Variants in PCDHA8 observed in about 807,000 individuals in gnomAD.
The protein encoded by PCDHA8 is protocadherin alpha-8.
In PCDHA8, 53 loss-of-function variants were observed where a neutral mutation model predicts 61.8. The observed-to-expected ratio is 0.86, with a 90% CI of 0.69 to 1.08. The LOEUF (loss-of-function observed/expected upper bound fraction) is 1.08, where lower values mean the gene tolerates loss of function less well. PCDHA8 is among the 50% of genes least tolerant of loss of function. The pLI is 0.00. For synonymous variants in PCDHA8, 618 were observed against 556.6 expected, an observed-to-expected ratio of 1.11 and a Z score of -1.55; for missense variants, 1,293 against 1,245.0, an observed-to-expected ratio of 1.04 and a Z score of -0.58.
chr5:140,843,096 C>G lies in PCDHA8; in HGVS notation c.1775C>G (p.Ala592Gly), dbSNP rs2150352451. 2 of 1,595,598 alleles carry G rather than the reference C, an allele frequency of 1.3e-6. No homozygotes were observed. The highest frequency in any genetic ancestry group is 8.6e-7 in the Non-Finnish European group (1 of 1,165,428). ...PRSVGAGHVV[A>G]KVRAVDADSG... ...TCTGTGGGCGCGGGCCACGTGGTAG[C>G]GAAGGTGCGCGCAGTGGACGCCGAC... Residue 592 changes from alanine to glycine, a missense_variant, in exon 1 of 4, where the codon GCG becomes GGG. Ala to Gly is a moderately conservative substitution (Grantham distance 60). Coordinates refer to ENST00000531613, the MANE Select transcript of PCDHA8 (RefSeq NM_018911.3).
chr5:140,898,628 C>T (rs1305030651), intron 1 of PCDHA8, among the ~76,000 whole-genome samples: 2 of 152,176 alleles, frequency 1.3e-5, no homozygotes, highest in African/African-American at 4.8e-5. Context: ...TAGCATAATG[C>T]CTCCAGCTTT....
intron 1 of PCDHA8, chr5:140,967,190 AACG>A (rs781897780): frequency 6.2e-7 from 1 of 1,613,418 alleles, no homozygotes; most frequent in Non-Finnish European, 8.5e-7. Context: ...ATTGGACATC[AACG>A]ACAACTCACC....
At chr5:140,884,035 C>A (rs782637499) in intron 1 of PCDHA8, 1 of 1,613,396 alleles carries the variant, frequency 6.2e-7, no homozygotes, top group South Asian at 1.1e-5. Context: ...GTGCAGGCCA[C>A]GTGGTGGCGA....
intron 1 of PCDHA8, among the ~76,000 whole-genome samples, chr5:140,878,435 A>G (rs1582436641): frequency 6.6e-6 from 1 of 152,242 alleles, no homozygotes; most frequent in African/African-American, 2.4e-5. Context: ...TAGATACTGT[A>G]CTATTCTTAT....
intron 1 of PCDHA8, chr5:140,853,297 G>A: frequency 2.0e-6 from 2 of 981,768 alleles, no homozygotes; most frequent in African/African-American, 3.5e-5. Context: ...TCTCAGAAGG[G>A]CTGTGAACAC....
At chr5:140,989,894 T>C (rs907697062) in intron 3 of PCDHA8, among the ~76,000 whole-genome samples, 7 of 151,812 alleles carry the variant, frequency 4.6e-5, no homozygotes, top group Admixed American at 3.3e-4. Context: ...GTCTCCGTTA[T>C]TCACAATCAG....
At chr5:141,005,956 A>G (rs1272905916) in intron 3 of PCDHA8, among the ~76,000 whole-genome samples, 2 of 152,020 alleles carry the variant, frequency 1.3e-5, no homozygotes, top group Admixed American at 1.3e-4. Flanking sequence ...CTAACAAACA[A>G]CAATAAAAAA....
At chr5:140,927,764 G>T (rs2084612834) in intron 1 of PCDHA8, 1 of 1,614,092 alleles carries the variant, frequency 6.2e-7, no homozygotes. Flanking sequence ...CCTAAAAGTG[G>T]GGAGGTGCAA....
intron 1 of PCDHA8, among the ~76,000 whole-genome samples, chr5:140,910,929 A>G (rs2075237197): frequency 6.6e-6 from 1 of 152,176 alleles, no homozygotes; most frequent in Admixed American, 6.5e-5. Flanking sequence ...TATAAATAAG[A>G]AAGCTCAAGC....
At chr5:140,867,469 T>C (rs895909736) in intron 1 of PCDHA8, 2 of 152,068 alleles carry the variant, frequency 1.3e-5, no homozygotes, top group Non-Finnish European at 2.9e-5. Context: ...TATGACAACA[T>C]TGGGAAAAGA....
At chr5:141,002,435 C>A (rs958320342) in intron 3 of PCDHA8, among the ~76,000 whole-genome samples, 3 of 152,280 alleles carry the variant, frequency 2.0e-5, no homozygotes, top group South Asian at 2.1e-4. Flanking sequence ...AGGCAATAAC[C>A]ATAATAATTG....
intron 1 of PCDHA8, among the ~76,000 whole-genome samples, chr5:140,896,285 G>T (rs1392495241): frequency 1.3e-5 from 2 of 152,202 alleles, no homozygotes; most frequent in African/African-American, 2.4e-5. Context: ...GGCTTGAATG[G>T]TAAGTTCTTT....
chr5:140,849,542 G>T lies in PCDHA8; in HGVS notation c.2394+5827G>T. On this transcript the variant is annotated intron_variant, in intron 1 of 3. Coordinates refer to ENST00000531613, the MANE Select transcript of PCDHA8 (RefSeq NM_018911.3). ...TGGATGTAAATGACAATGCTCCACAGTTGACTATCAAAACGCTCTCGGTTC... is the reference window on the plus strand; with the variant it reads ...TGGATGTAAATGACAATGCTCCACATTTGACTATCAAAACGCTCTCGGTTC... 3.1e-6 allele frequency: 5 copies of T among 1,598,272 alleles called. No homozygotes were observed. The South Asian group carries it at 5.5e-5, about 18-fold the overall frequency.
At chr5:140,986,393 C>T (rs1554248003) in intron 3 of PCDHA8, among the ~76,000 whole-genome samples, 1 of 152,148 alleles carries the variant, frequency 6.6e-6, no homozygotes, top group Non-Finnish European at 1.5e-5. Context: ...ATTAAAGGGC[C>T]AGTCGCTCAT....
chr5:140,868,875 C>T (rs1033473828), intron 1 of PCDHA8: 3 of 661,952 alleles, frequency 4.5e-6, no homozygotes, highest in African/African-American at 3.6e-5. Context: ...GTGCACAGTA[C>T]TCACAGTTTT....
At chr5:140,870,806 A>AGAGT in intron 1 of PCDHA8, 1 of 1,613,688 alleles carries the variant, frequency 6.2e-7, no homozygotes, top group Non-Finnish European at 8.5e-7. Flanking sequence ...CTGGCGACTC[A>AGAGT]GGCTGGCAGC....
rs1554214039 is a variant in PCDHA8 at position 140,941,214 on chromosome 5, C to CTTTCTTTCTTTCTTTCTTTCTTTCTTT, written c.2395-37735_2395-37734insTTTCTTTCTTTCTTTCTTTCTTTCTTT. ...TTTTTTCTTTCTTCCTTTCTTTCTTCCTTTCTTTCTTTCTTTCTTTCTTTC... is the reference window on the plus strand; with the variant it reads ...TTTTTTCTTTCTTCCTTTCTTTCTTCTTTCTTTCTTTCTTTCTTTCTTTCTTTCTTTCTTTCTTTCTTTCTTTCTTTC... On this transcript the variant is annotated intron_variant, in intron 1 of 3. Coordinates refer to ENST00000531613, the MANE Select transcript of PCDHA8 (RefSeq NM_018911.3). Among the ~76,000 whole-genome samples the CTTTCTTTCTTTCTTTCTTTCTTTCTTT allele has an allele frequency of 4.7e-4, 57 of 122,484 alleles. 1 individual carries two copies. The highest frequency in any genetic ancestry group is 1.6e-3 in the East Asian group (7 of 4,322). The allele number at this position is 122,484 out of a possible 152,430, so 80.4% of individuals were successfully genotyped here.
chr5:140,889,241 T>C (rs987868473), intron 1 of PCDHA8, among the ~76,000 whole-genome samples: 120 of 151,950 alleles, frequency 7.9e-4, no homozygotes, highest in African/African-American at 2.7e-3. Context: ...TCCAGAAAAT[T>C]TTCTGTTTCC....
At chr5:140,994,998 G>A (rs2097659261) in intron 3 of PCDHA8, among the ~76,000 whole-genome samples, 1 of 152,150 alleles carries the variant, frequency 6.6e-6, no homozygotes, top group African/African-American at 2.4e-5. Context: ...AGGTTAGTTG[G>A]TTTGTTTATA....
Sources: allele counts gnomAD v4.1 joint callset (sites outside exome capture counted in the v4.1 genomes callset), GRCh38; gene constraint gnomAD v4.1.1; transcripts MANE v1.5; gene names NCBI Gene and HGNC (gene_info 2026-07-23, HGNC 2026-07-21).